WASF3: variants seen among roughly 807,000 people sequenced by gnomAD.
WASF3 encodes the protein WASP family member 3.
In WASF3, 11 loss-of-function variants were observed where a neutral mutation model predicts 46.6. That is an observed-to-expected ratio of 0.24 (90% confidence interval 0.15 to 0.39). WASF3 has a LOEUF of 0.39. Ranked by LOEUF, WASF3 falls within the 10% of genes least tolerant of loss-of-function variation. The probability of loss-of-function intolerance (pLI) is 1.00; values close to 1 mark genes in which losing one functional copy is unlikely to be tolerated. For synonymous variants in WASF3, 242 were observed against 259.7 expected (o/e 0.93, Z 0.65); for missense variants, 576 against 669.8 (o/e 0.86, Z 1.55).
At chr13:26,584,461 A>G (rs998779991) in intron 1 of WASF3, among the ~76,000 whole-genome samples, 7 of 152,212 alleles carry the variant, frequency 4.6e-5, no homozygotes, top group South Asian at 2.1e-4. Context: ...AATGAAGACT[A>G]TATGGTCTCT....
intron 1 of WASF3, chr13:26,577,123 G>A: frequency 1.3e-6 from 1 of 784,260 alleles, no homozygotes; most frequent in Non-Finnish European, 2.3e-6. Flanking sequence ...AGATGAGATT[G>A]CATTTAGAAA....
intron 1 of WASF3, among the ~76,000 whole-genome samples, chr13:26,592,555 G>A (rs1005119668): frequency 6.6e-6 from 1 of 150,674 alleles, no homozygotes; most frequent in Non-Finnish European, 1.5e-5. Flanking sequence ...GGTGCAGAGA[G>A]TGTGAGTTTG....
chr13:26,598,051 A>G (rs1880528704), intron 1 of WASF3, among the ~76,000 whole-genome samples: 1 of 152,186 alleles, frequency 6.6e-6, no homozygotes, highest in Non-Finnish European at 1.5e-5. Context: ...ACTGACTTCC[A>G]CAATAGTTGA....
At chr13:26,575,538 G>T (rs893281731) in intron 1 of WASF3, among the ~76,000 whole-genome samples, 11 of 152,152 alleles carry the variant, frequency 7.2e-5, no homozygotes, top group Non-Finnish European at 1.3e-4. Context: ...GCAGAACTGA[G>T]AACATAGTTA....
intron 3 of WASF3, among the ~76,000 whole-genome samples, chr13:26,653,862 G>C (rs1054450251): frequency 6.6e-6 from 1 of 152,124 alleles, no homozygotes; most frequent in Admixed American, 6.5e-5. Flanking sequence ...ATTTCTAATA[G>C]GTATCTCTAA....
intron 1 of WASF3, among the ~76,000 whole-genome samples, chr13:26,563,654 C>CAA (rs34374716): frequency 0.05 from 2,356 of 46,922 alleles, 341 homozygotes; most frequent in African/African-American, 0.14. Flanking sequence ...GACTCCATCT[C>CAA]AAAAAAAAAA....
At chr13:26,670,580 G>T (rs1163949875) in intron 5 of WASF3, among the ~76,000 whole-genome samples, 1 of 152,056 alleles carries the variant, frequency 6.6e-6, no homozygotes, top group African/African-American at 2.4e-5. Context: ...GAAGGTACTG[G>T]CTCCATTTTT....
Position 26,600,480 on chromosome 13 carries a change from T to TA in WASF3, c.-108-12480dup, listed in dbSNP as rs150203989. Among the ~76,000 whole-genome samples, 347 of 152,322 alleles carry TA rather than the reference T, an allele frequency of 2.3e-3. 1 individual carries two copies. The highest frequency in any genetic ancestry group is 7.7e-3 in the African/African-American group (321 of 41,590). ...TTCTGGCTCAGCATGGCAGGCTCAG[T>TA]AGCAGTGAAGTACATTGCTTCTCAT... On this transcript the variant is annotated intron_variant, in intron 1 of 9. Coordinates refer to ENST00000335327, the MANE Select transcript of WASF3 (RefSeq NM_006646.6).
chr13:26,643,206 C>T (rs1452937177), intron 3 of WASF3, among the ~76,000 whole-genome samples: 3 of 152,142 alleles, frequency 2.0e-5, no homozygotes, highest in Admixed American at 2.0e-4. Flanking sequence ...CTTCATCCTG[C>T]TCCTTTTCAG....
chr13:26,608,137 G>C (rs752185191), intron 1 of WASF3, among the ~76,000 whole-genome samples: 1 of 149,720 alleles, frequency 6.7e-6, no homozygotes, highest in South Asian at 2.1e-4. Context: ...TGGGTTATCA[G>C]ATTCTCTGGC....
At chr13:26,633,121 C>A (rs576963498) in intron 2 of WASF3, among the ~76,000 whole-genome samples, 72 of 151,268 alleles carry the variant, frequency 4.8e-4, no homozygotes, top group Non-Finnish European at 6.0e-4. Context: ...TTCAGAAAAC[C>A]AGCTCCTGGA....
chr13:26,616,452 G>T (rs1445247153), intron 2 of WASF3, among the ~76,000 whole-genome samples: 1 of 152,196 alleles, frequency 6.6e-6, no homozygotes, highest in South Asian at 2.1e-4. Flanking sequence ...TTAAGAAATT[G>T]GGTACTTTAT....
At chr13:26,579,993 G>T (rs905417722) in intron 1 of WASF3, among the ~76,000 whole-genome samples, 5 of 152,134 alleles carry the variant, frequency 3.3e-5, no homozygotes, top group Admixed American at 1.3e-4. Flanking sequence ...AACATTACAA[G>T]ATTTTTTTGT....
chr13:26,579,974 T>C (rs1236636695), intron 1 of WASF3, among the ~76,000 whole-genome samples: 2 of 152,222 alleles, frequency 1.3e-5, no homozygotes, highest in Admixed American at 6.5e-5. Flanking sequence ...AATTTGTAAA[T>C]TTTCTTAGAA....
chr13:26,608,355 A>G (rs1314373605), intron 1 of WASF3, among the ~76,000 whole-genome samples: 2 of 152,136 alleles, frequency 1.3e-5, no homozygotes. Flanking sequence ...ATTTCTCTTT[A>G]TTTGCTCTCT....
At chr13:26,580,408 T>C (rs561248230) in intron 1 of WASF3, among the ~76,000 whole-genome samples, 1 of 152,326 alleles carries the variant, frequency 6.6e-6, no homozygotes, top group South Asian at 2.1e-4. Flanking sequence ...AACACCTGAA[T>C]GAATGGTGCT....
intron 1 of WASF3, among the ~76,000 whole-genome samples, chr13:26,597,616 C>G (rs558959680): frequency 6.6e-6 from 1 of 152,140 alleles, no homozygotes; most frequent in African/African-American, 2.4e-5. Context: ...TGCTATCCCT[C>G]TGCCTTCCCC....
In WASF3 at chr13:26,688,867, G is replaced by A. The variant is rs998561702; in HGVS notation, c.*3022G>A. The A allele has an allele frequency of 2.0e-5, 3 of 152,092 alleles. No individual in the cohort carries two copies. The highest frequency in any genetic ancestry group is 7.2e-5 in the African/African-American group (3 of 41,414). The allele number at this position is 152,092 out of a possible 1,614,324, so 9.4% of individuals were successfully genotyped here. A position where few individuals can be genotyped will look rare whatever the true frequency, so the allele number is the denominator to read the frequency against. ...ACTGTTAAACAATTTTTATCTGTTTGTATATCTTACTATAGATTATGTACA... is the reference window on the plus strand; with the variant it reads ...ACTGTTAAACAATTTTTATCTGTTTATATATCTTACTATAGATTATGTACA... On this transcript the variant is annotated 3_prime_UTR_variant, in exon 10 of 10. Coordinates refer to ENST00000335327, the MANE Select transcript of WASF3 (RefSeq NM_006646.6).
At chr13:26,628,156 A>G (rs1881530459) in intron 2 of WASF3, among the ~76,000 whole-genome samples, 2 of 152,190 alleles carry the variant, frequency 1.3e-5, no homozygotes, top group Admixed American at 6.6e-5. Flanking sequence ...AAAGTTGGGT[A>G]GAAAACCTGC....
Sources: allele counts gnomAD v4.1 joint callset (sites outside exome capture counted in the v4.1 genomes callset), GRCh38; gene constraint gnomAD v4.1.1; transcripts MANE v1.5; gene names NCBI Gene and HGNC (gene_info 2026-07-23, HGNC 2026-07-21).